Variants in KIF21A observed in about 807,000 individuals in gnomAD.
The protein encoded by KIF21A is kinesin-like protein KIF21A.
In KIF21A, 114 loss-of-function variants were observed where a neutral mutation model predicts 202.9. The ratio of observed to expected loss-of-function variants is 0.56; its 90% CI spans 0.48 to 0.66. The LOEUF (loss-of-function observed/expected upper bound fraction) is 0.66, where lower values mean the gene tolerates loss of function less well. KIF21A is among the 30% of genes least tolerant of loss of function. The pLI is 0.00. For missense variants in KIF21A, 1,677 were observed against 1,994.9 expected, an observed-to-expected ratio of 0.84 and a Z score of 3.04; for synonymous variants, 667 against 670.8, an observed-to-expected ratio of 0.99 and a Z score of 0.09.
intron 1 of KIF21A, among the ~76,000 whole-genome samples, chr12:39,421,172 T>C (rs569639146): frequency 1.3e-5 from 2 of 152,206 alleles, no homozygotes; most frequent in Non-Finnish European, 2.9e-5. Context: ...CTGCCTACTG[T>C]ATAATGTTCA....
rs1158024107 is a variant in KIF21A at position 39,304,838 on chromosome 12, T to C, written c.4543A>G (p.Lys1515Glu). 2 of 1,561,908 alleles carry C rather than the reference T, an allele frequency of 1.3e-6. No individual in the cohort carries two copies. The highest frequency in any genetic ancestry group is 1.8e-6 in the Non-Finnish European group (2 of 1,132,968). ...SGQDLIITGS[K>E]DHYIKMFDVT... is the part of the protein sequence containing the mutation. ...ATACATACTTTGATGTAATGATCCT[T>C]GGAGCCAGTGATGATTAGATCTTGT... The change falls in exon 35 of 38, where the codon AAG becomes GAG. Residue 1515 changes from lysine to glutamate, a missense_variant. Physicochemically the swap from Lys to Glu is moderately conservative, Grantham distance 56 (BLOSUM62 1). Coordinates refer to ENST00000361418, the MANE Select transcript of KIF21A (RefSeq NM_001173464.2).
intron 5 of KIF21A, 90 bp downstream of exon 5, chr12:39,366,939 CT>C (rs1339524632): frequency 2.5e-5 from 31 of 1,242,776 alleles, no homozygotes; most frequent in Non-Finnish European, 3.7e-5. Flanking sequence ...ACTAAATGAA[CT>C]GAATTTGGCT....
intron 35 of KIF21A, among the ~76,000 whole-genome samples, chr12:39,304,521 T>C (rs1027535979): frequency 1.3e-5 from 2 of 152,216 alleles, no homozygotes; most frequent in African/African-American, 4.8e-5. Flanking sequence ...CATAAAATTC[T>C]GAAGATCATA....
chr12:39,409,917 C>A (rs1008499339), intron 1 of KIF21A, among the ~76,000 whole-genome samples: 1 of 151,684 alleles, frequency 6.6e-6, no homozygotes, highest in East Asian at 1.9e-4. Context: ...CTGCAACCTT[C>A]GCCTTCCAGG....
chr12:39,342,635 TTTCAGGTCTCC>T (rs1278664120), intron 12 of KIF21A, among the ~76,000 whole-genome samples: 12 of 152,154 alleles, frequency 7.9e-5, no homozygotes, highest in Admixed American at 1.3e-4. Context: ...CCATCAGTAT[TTTCAGGTCTCC>T]TTCAGGTAGT....
rs562228123 is a variant in KIF21A at position 39,309,763 on chromosome 12, C to T, written c.4100G>A (p.Arg1367His). 1.3e-5 allele frequency: 21 copies of T among 1,612,114 alleles called. No individual in the cohort carries two copies. The highest frequency in any genetic ancestry group is 4.0e-5 in the African/African-American group (3 of 74,932). Residue 1367 changes from arginine to histidine, a missense_variant, in exon 33 of 38, where the codon CGT becomes CAT. By Grantham distance (29) the Arg-to-His change is conservative. Transcript: ENST00000361418. Reference protein sequence around the residue: ...DDLLFTGSKDRTCKVWNLVTG... With the variant: ...DDLLFTGSKDHTCKVWNLVTG... ...CACCAGATTCCATACTTTACAAGTA[C>T]GATCTAAAACAAACACATAAAAAAA...
In KIF21A at chr12:39,330,003, T is replaced by TA; in HGVS notation, c.3340+238dup. 9.6e-6 allele frequency: 4 copies of TA among 417,712 alleles called. No homozygotes were observed. The East Asian group carries it at 1.5e-4, about 16-fold the overall frequency. 25.9% of individuals were successfully genotyped at this position (417,712 alleles called of 1,614,324 possible). A position where few individuals can be genotyped will look rare whatever the true frequency, so the allele number is the denominator to read the frequency against. Reference sequence around the variant, plus strand: ...ACTGGAGGCACAACTGGAACTCAGATAATAAAAGAGACAACTAACAAAAGC... The same window carrying TA: ...ACTGGAGGCACAACTGGAACTCAGATAAATAAAAGAGACAACTAACAAAAGC... On this transcript the variant is annotated intron_variant, in intron 24 of 37. Coordinates refer to ENST00000361418, the MANE Select transcript of KIF21A (RefSeq NM_001173464.2).
chr12:39,313,759 A>C (rs1944253103), intron 31 of KIF21A, among the ~76,000 whole-genome samples: 1 of 151,932 alleles, frequency 6.6e-6, no homozygotes, highest in African/African-American at 2.4e-5. Context: ...TGTTTAATAG[A>C]AATAAATATT....
chr12:39,378,948 C>G (rs1950434732), intron 1 of KIF21A, among the ~76,000 whole-genome samples: 1 of 152,080 alleles, frequency 6.6e-6, no homozygotes, highest in African/African-American at 2.4e-5. Flanking sequence ...GAGAAAAAGT[C>G]AGTTCGGGGA....
Position 39,315,974 on chromosome 12 carries a change from TA to T in KIF21A, c.3909-5del, listed in dbSNP as rs1370523990. Reference sequence around the variant, plus strand: ...AGAGGAGTCACTTTCATCAGACCTATAGTGAAAGAGTTAGAATTATGAGAGA... The same window carrying T: ...AGAGGAGTCACTTTCATCAGACCTATGTGAAAGAGTTAGAATTATGAGAGA... On this transcript the variant is annotated splice_region_variant and splice_polypyrimidine_tract_variant and intron_variant, in intron 29 of 37. Transcript: ENST00000361418. 6.3e-7 allele frequency: 1 copy of T among 1,595,530 alleles called. No individual in the cohort carries two copies.
At chr12:39,333,309 T>C (rs773795846) in intron 17 of KIF21A, 29 bp from the exon 18 acceptor site, 7 of 1,410,924 alleles carry the variant, frequency 5.0e-6, no homozygotes, top group Non-Finnish European at 7.0e-6. Context: ...TAAGTGGAAA[T>C]AGTAAAGTGA....
chr12:39,438,392 G>A lies in KIF21A; in HGVS notation c.44+4535C>T, dbSNP rs377537472. Among the ~76,000 whole-genome samples, 6 of 152,160 alleles carry A rather than the reference G, an allele frequency of 3.9e-5. No individual in the cohort carries two copies. The South Asian group carries it at 1.2e-3, about 32-fold the overall frequency. ...CAACTAAAATCATATTTAACAGACT[G>A]CACATGAAAAGTTCTTACAACTCTT... On this transcript the variant is annotated intron_variant, in intron 1 of 37. Transcript: ENST00000361418.
chr12:39,314,676 A>G (rs753761737), intron 31 of KIF21A, among the ~76,000 whole-genome samples: 2 of 151,826 alleles, frequency 1.3e-5, no homozygotes, highest in Non-Finnish European at 3.0e-5. Context: ...TTTCCTTCAG[A>G]TTACAAGCTT....
intron 37 of KIF21A, 100 bp downstream of exon 37, chr12:39,301,380 A>C: frequency 1.0e-6 from 1 of 961,106 alleles, no homozygotes; most frequent in Non-Finnish European, 1.7e-6. Context: ...TGATTATAAG[A>C]AGGATTTTGT....
At chr12:39,367,606 T>G (rs1240785128) in intron 4 of KIF21A, among the ~76,000 whole-genome samples, 1 of 152,244 alleles carries the variant, frequency 6.6e-6, no homozygotes. Flanking sequence ...TCACCATCAA[T>G]TGTCTAACCC....
chr12:39,364,880 A>C (rs533655791), intron 6 of KIF21A, among the ~76,000 whole-genome samples: 1 of 152,330 alleles, frequency 6.6e-6, no homozygotes, highest in East Asian at 1.9e-4. Context: ...TAAAACTAAC[A>C]AATTAGCCAC....
At position 39,431,889 on chromosome 12, in the gene KIF21A, C is replaced by T. The variant is rs189715651; in HGVS notation, c.44+11038G>A. Reference sequence around the variant, plus strand: ...AGTTAGCAAACTAAAATTCAAAAGCCTCATATTGTATTGCCTAAATTGACA... The same window carrying T: ...AGTTAGCAAACTAAAATTCAAAAGCTTCATATTGTATTGCCTAAATTGACA... On this transcript the variant is annotated intron_variant, in intron 1 of 37. Transcript: ENST00000361418. Among the ~76,000 whole-genome samples, 3 of 152,266 alleles carry T rather than the reference C, an allele frequency of 2.0e-5. No individual in the cohort carries two copies. The East Asian group carries it at 5.8e-4, about 29-fold the overall frequency.
chr12:39,340,376 G>C lies in KIF21A; in HGVS notation c.2111-12C>G. The C allele has an allele frequency of 6.3e-7, 1 of 1,584,030 alleles. No individual in the cohort carries two copies. Among genetic ancestry groups the C allele is most frequent in the Non-Finnish European group, 8.6e-7 (1 of 1,158,804 alleles). ...AGATTCTACCGAGCCTAAATGACCA[G>C]AGGACATTTTTATATGTTTTTTTGT... On this transcript the variant is annotated splice_polypyrimidine_tract_variant and intron_variant, in intron 15 of 37. Coordinates refer to ENST00000361418, the MANE Select transcript of KIF21A (RefSeq NM_001173464.2).
At position 39,442,311 on chromosome 12, in the gene KIF21A, C is replaced by T. The variant is rs1330347111; in HGVS notation, c.44+616G>A. 1.3e-5 allele frequency among the ~76,000 whole-genome samples: 2 copies of T among 152,128 alleles called. No individual in the cohort carries two copies. Among genetic ancestry groups the T allele is most frequent in the South Asian group, 2.1e-4 (1 of 4,826 alleles). ...CTTAAATTCCACTCCCATTCCAACA[C>T]CCAAGAGGCTAGATCTGTCTCCTCT... On this transcript the variant is annotated intron_variant, in intron 1 of 37. Transcript: ENST00000361418. The surrounding 1 kb of genome is among the most constrained non-coding windows in gnomAD (Gnocchi z 5.0).
Sources: gnomAD v4.1 joint callset for allele counts (sites outside exome capture counted in the v4.1 genomes callset) on GRCh38, gnomAD v4.1.1 for gene constraint, Gnocchi (gnomAD v3.1) non-coding constraint, MANE v1.5 for transcripts, NCBI Gene and HGNC (gene_info 2026-07-23, HGNC 2026-07-21) for gene names.